MSRB3: variants seen among roughly 807,000 people sequenced by gnomAD.
MSRB3 encodes methionine sulfoxide reductase B3.
Under a neutral mutation model 21.0 loss-of-function variants are expected in MSRB3, and 13 were observed. The observed-to-expected ratio is 0.62, with a 90% CI of 0.40 to 0.98. The LOEUF (loss-of-function observed/expected upper bound fraction) is 0.98, where lower values mean the gene tolerates loss of function less well. Ranked by LOEUF, MSRB3 falls within the 50% of genes least tolerant of loss-of-function variation. The pLI, the probability that MSRB3 is intolerant of heterozygous loss-of-function variation, is 0.00. For missense variants in MSRB3, 199 were observed against 230.3 expected, an observed-to-expected ratio of 0.86 and a Z score of 0.88; for synonymous variants, 87 against 88.6, an observed-to-expected ratio of 0.98 and a Z score of 0.10.
At position 65,466,437 on chromosome 12, in the gene MSRB3, T is replaced by C. The variant is rs1030451131; in HGVS notation, c.*3115T>C. 2.0e-5 allele frequency: 3 copies of C among 152,016 alleles called. No homozygotes were observed. The allele number at this position is 152,016 out of a possible 1,614,324, so 9.4% of individuals were successfully genotyped here. On this transcript the variant is annotated 3_prime_UTR_variant, in exon 7 of 7. Coordinates refer to ENST00000308259, the MANE Select transcript of MSRB3 (RefSeq NM_001031679.3). ...GCAAGGTGTATGTGATCTGTGGGAG[T>C]TATGCCATTTAACATAGGAAGTGCA... is the stretch of plus-strand genomic sequence containing the variant.
At position 65,356,121 on chromosome 12, in the gene MSRB3, C is replaced by A. The variant is rs138128501; in HGVS notation, c.264-12877C>A. On this transcript the variant is annotated intron_variant, in intron 4 of 6. Coordinates refer to ENST00000308259, the MANE Select transcript of MSRB3 (RefSeq NM_001031679.3). Reference sequence around the variant, plus strand: ...CTTTCTTATTAGTTTTGCTTGGGGGCTTACTATAGTGTAATTTTACTGACC... The same window carrying A: ...CTTTCTTATTAGTTTTGCTTGGGGGATTACTATAGTGTAATTTTACTGACC... 3.4e-3 allele frequency among the ~76,000 whole-genome samples: 521 copies of A among 151,804 alleles called. 4 individuals are homozygous for A. The highest frequency in any genetic ancestry group is 0.012 in the African/African-American group (489 of 41,428).
chr12:65,443,623 A>T (rs933373928), intron 5 of MSRB3, among the ~76,000 whole-genome samples: 11 of 152,100 alleles, frequency 7.2e-5, no homozygotes, highest in African/African-American at 2.7e-4. Context: ...TCACTGATTC[A>T]GTTCCCGGGG....
chr12:65,292,336 A>G lies in MSRB3; in HGVS notation c.-52+13471A>G, dbSNP rs375517271. Among the ~76,000 whole-genome samples the G allele has an allele frequency of 5.2e-4, 79 of 152,366 alleles. No individual in the cohort carries two copies. In the South Asian group the frequency reaches 0.016, roughly 30 times the overall value. On this transcript the variant is annotated intron_variant, in intron 1 of 6. Coordinates refer to ENST00000308259, the MANE Select transcript of MSRB3 (RefSeq NM_001031679.3). ...GAATGGAGATAATATTGTATCTACCACATAGGTTATTGTAATCATGAAATG... is the reference window on the plus strand; with the variant it reads ...GAATGGAGATAATATTGTATCTACCGCATAGGTTATTGTAATCATGAAATG...
intron 1 of MSRB3, among the ~76,000 whole-genome samples, chr12:65,280,117 TA>T (rs1412459821): frequency 2.6e-5 from 4 of 152,178 alleles, no homozygotes; most frequent in African/African-American, 9.7e-5. Flanking sequence ...ATTTTGTCTA[TA>T]AAAAAACTTC....
chr12:65,455,138 C>G (rs1035595091), intron 6 of MSRB3, among the ~76,000 whole-genome samples: 2 of 151,944 alleles, frequency 1.3e-5, no homozygotes, highest in South Asian at 2.1e-4. Context: ...TTTCTTTAAC[C>G]CCCTCCACCA....
intron 5 of MSRB3, among the ~76,000 whole-genome samples, chr12:65,401,288 G>A (rs941892181): frequency 3.9e-5 from 6 of 152,110 alleles, no homozygotes; most frequent in Admixed American, 2.0e-4. Context: ...ATGAATCTGG[G>A]TGCTCCTGTA....
intron 5 of MSRB3, among the ~76,000 whole-genome samples, chr12:65,388,576 A>G (rs116569556): frequency 0.015 from 2,339 of 152,334 alleles, 64 homozygotes; most frequent in African/African-American, 0.054. Flanking sequence ...AGGCACTTTT[A>G]TAAAAGAAAA....
intron 5 of MSRB3, among the ~76,000 whole-genome samples, chr12:65,445,556 G>T (rs944441902): frequency 1.3e-5 from 2 of 150,980 alleles, no homozygotes; most frequent in Admixed American, 1.3e-4. Context: ...AATTTTATTT[G>T]CATTTTTATC....
chr12:65,366,907 G>A (rs1878044787), intron 4 of MSRB3, among the ~76,000 whole-genome samples: 1 of 152,138 alleles, frequency 6.6e-6, no homozygotes. Flanking sequence ...CCTAGAGAGT[G>A]GGAACAGTGT....
chr12:65,300,935 T>G lies in MSRB3; in HGVS notation c.-51-7594T>G, dbSNP rs547418002. Reference sequence around the variant, plus strand: ...TATTGCCCAGAGCTAGCCAGCCACATGTTCCTACCCAACCACAAGGGGGCC... The same window carrying G: ...TATTGCCCAGAGCTAGCCAGCCACAGGTTCCTACCCAACCACAAGGGGGCC... On this transcript the variant is annotated intron_variant, in intron 1 of 6. Coordinates refer to ENST00000308259, the MANE Select transcript of MSRB3 (RefSeq NM_001031679.3). 4.6e-5 allele frequency among the ~76,000 whole-genome samples: 7 copies of G among 152,306 alleles called. No homozygotes were observed. In the South Asian group the frequency reaches 1.5e-3, roughly 32 times the overall value.
chr12:65,385,773 C>T (rs1204293715), intron 5 of MSRB3, among the ~76,000 whole-genome samples: 2 of 151,896 alleles, frequency 1.3e-5, no homozygotes, highest in Non-Finnish European at 2.9e-5. Flanking sequence ...GTTACTTCTG[C>T]CATCTTGTTT....
intron 4 of MSRB3, among the ~76,000 whole-genome samples, chr12:65,342,127 A>G (rs1041474396): frequency 6.6e-6 from 1 of 151,938 alleles, no homozygotes; most frequent in African/African-American, 2.4e-5. Flanking sequence ...AGCAGAAATA[A>G]AAAGATAAAA....
Position 65,419,094 on chromosome 12 carries a change from C to T in MSRB3, c.293-34634C>T, listed in dbSNP as rs1881136678. On this transcript the variant is annotated intron_variant, in intron 5 of 6. Transcript: ENST00000308259. ...GATTTCTCATGGAGTCCAGGTCAGTCTCCGAGGACTGGGCTGTATGTTACA... is the reference window on the plus strand; with the variant it reads ...GATTTCTCATGGAGTCCAGGTCAGTTTCCGAGGACTGGGCTGTATGTTACA... 4.3e-6 allele frequency: 3 copies of T among 692,712 alleles called. No homozygotes were observed. In the East Asian group the frequency reaches 8.1e-5, roughly 19 times the overall value. The allele number at this position is 692,712 out of a possible 1,614,324, so 42.9% of individuals were successfully genotyped here.
At chr12:65,298,651 T>G (rs2136407058) in intron 1 of MSRB3, among the ~76,000 whole-genome samples, 1 of 152,336 alleles carries the variant, frequency 6.6e-6, no homozygotes, top group Middle Eastern at 3.4e-3. Flanking sequence ...TTTTATCTGC[T>G]ATATCAGATG....
intron 5 of MSRB3, among the ~76,000 whole-genome samples, chr12:65,378,257 A>G (rs932370836): frequency 2.6e-5 from 4 of 152,184 alleles, no homozygotes; most frequent in Admixed American, 1.3e-4. Context: ...GATCCTTTAA[A>G]CCAAGGATCA....
chr12:65,360,806 T>G (rs1246035887), intron 4 of MSRB3, among the ~76,000 whole-genome samples: 1 of 152,206 alleles, frequency 6.6e-6, no homozygotes, highest in East Asian at 1.9e-4. Context: ...TACTGCACTA[T>G]GCACTCAAGT....
intron 1 of MSRB3, chr12:65,286,754 T>C (rs528026921): frequency 1.3e-5 from 2 of 150,538 alleles, no homozygotes; most frequent in East Asian, 3.9e-4. Context: ...CAGTAGTTCA[T>C]GCCTGTAATC....
intron 4 of MSRB3, among the ~76,000 whole-genome samples, chr12:65,352,330 A>G (rs1373608333): frequency 1.3e-5 from 2 of 151,422 alleles, no homozygotes; most frequent in Non-Finnish European, 2.9e-5. Flanking sequence ...AATAAGAGCT[A>G]TCTATGAGAA....
intron 1 of MSRB3, among the ~76,000 whole-genome samples, chr12:65,302,841 A>G (rs1174221472): frequency 6.6e-6 from 1 of 151,638 alleles, no homozygotes; most frequent in Non-Finnish European, 1.5e-5. Flanking sequence ...AGTGGTTCTC[A>G]TGATGAAGTT....
Sources: gnomAD v4.1 joint callset for allele counts (sites outside exome capture counted in the v4.1 genomes callset) on GRCh38, gnomAD v4.1.1 for gene constraint, MANE v1.5 for transcripts, NCBI Gene and HGNC (gene_info 2026-07-23, HGNC 2026-07-21) for gene names.